Variants in ZNF638 observed in about 807,000 individuals in gnomAD.
The protein encoded by ZNF638 is zinc finger protein 638.
In ZNF638, 46 loss-of-function variants were observed where a neutral mutation model predicts 195.6. The ratio of observed to expected loss-of-function variants is 0.24; its 90% confidence interval spans 0.19 to 0.30. ZNF638 has a LOEUF of 0.30. Ranked by LOEUF, ZNF638 falls within the 10% of genes least tolerant of loss-of-function variation. The pLI is 1.00. For synonymous variants in ZNF638, 845 were observed against 772.0 expected, an observed-to-expected ratio of 1.09 and a Z score of -1.57; for missense variants, 2,440 against 2,325.3, an observed-to-expected ratio of 1.05 and a Z score of -1.01.
intron 2 of ZNF638, among the ~76,000 whole-genome samples, chr2:71,351,817 CAATT>C (rs1476868023): frequency 6.6e-6 from 1 of 152,080 alleles, no homozygotes; most frequent in African/African-American, 2.4e-5. Context: ...ACATTTAAAA[CAATT>C]AGAAGACAAC....
chr2:71,365,778 GCAACAAGCA>G, intron 6 of ZNF638, 72 bp downstream of exon 6: 1 of 1,396,002 alleles, frequency 7.2e-7, no homozygotes, highest in Non-Finnish European at 9.6e-7. Flanking sequence ...CTGCAGTGGT[GCAACAAGCA>G]TGGCTCACTG....
Position 71,399,563 on chromosome 2 carries a change from A to T in ZNF638, c.2505A>T (p.Lys835Asn). The change falls in exon 13 of 28, where the codon AAA becomes AAT. Residue 835 changes from lysine to asparagine, a missense_variant. Around this residue, in one of 5 missense-constraint regions of ZNF638, gnomAD observed 1,883 missense variants for 1,739.1 expected, o/e 1.08. Transcript: ENST00000264447. The stretch of plus-strand genomic sequence containing the variant: ...GGCTGACTGTACTTTTACAAGCAAA[A>T]TCTGGTGGAAAGAAGTCTCTAGAAG... ...KGNKASIKTA[K>N]SGGKKSLEAK... 6.2e-7 allele frequency: 1 copy of T among 1,611,308 alleles called. No individual in the cohort carries two copies. The highest frequency in any genetic ancestry group is 8.5e-7 in the Non-Finnish European group (1 of 1,178,574).
chr2:71,394,326 C>T (rs890755557), intron 10 of ZNF638, among the ~76,000 whole-genome samples: 1 of 152,184 alleles, frequency 6.6e-6, no homozygotes, highest in Non-Finnish European at 1.5e-5. Flanking sequence ...TCTGGGACAT[C>T]TTAGCACCAC....
At chr2:71,428,520 C>A (rs762245751) in intron 24 of ZNF638, 27 bp from the exon 25 acceptor site, 182 of 1,562,966 alleles carry the variant, frequency 1.2e-4, no homozygotes, top group Non-Finnish European at 1.5e-4. Context: ...GTTACTAGAG[C>A]AATAAATTAG....
chr2:71,393,096 G>A (rs1478017060), intron 10 of ZNF638, among the ~76,000 whole-genome samples: 3 of 152,102 alleles, frequency 2.0e-5, no homozygotes, highest in Non-Finnish European at 4.4e-5. Flanking sequence ...CAGGCATCCC[G>A]TATAACTGAC....
At chr2:71,425,172 A>G (rs1020365927) in intron 23 of ZNF638, among the ~76,000 whole-genome samples, 4 of 152,180 alleles carry the variant, frequency 2.6e-5, no homozygotes, top group Non-Finnish European at 4.4e-5. Flanking sequence ...TCTGTTGTCA[A>G]ACATATTTTA....
At chr2:71,372,067 A>G (rs574785555) in intron 8 of ZNF638, among the ~76,000 whole-genome samples, 2 of 152,210 alleles carry the variant, frequency 1.3e-5, no homozygotes, top group East Asian at 1.9e-4. Flanking sequence ...TCTTTAATCT[A>G]TTTTTATTTG....
At chr2:71,427,525 A>G in intron 24 of ZNF638, 111 bp downstream of exon 24, 3 of 709,308 alleles carry the variant, frequency 4.2e-6, no homozygotes, top group Non-Finnish European at 6.4e-6. Flanking sequence ...TATTGATATT[A>G]GAGGCCAACA....
At chr2:71,357,758 T>C (rs1054366961) in intron 3 of ZNF638, among the ~76,000 whole-genome samples, 17 of 152,328 alleles carry the variant, frequency 1.1e-4, no homozygotes, top group African/African-American at 3.1e-4. Context: ...TTTTTAACCA[T>C]ATCCAGTGTA....
chr2:71,421,962 T>G (rs533057842), intron 21 of ZNF638, among the ~76,000 whole-genome samples: 1 of 152,284 alleles, frequency 6.6e-6, no homozygotes, highest in East Asian at 1.9e-4. Flanking sequence ...TTCATATACT[T>G]TAGATTTGGG....
At chr2:71,428,489 A>G in intron 24 of ZNF638, 58 bp from the exon 25 acceptor site, 1 of 1,483,702 alleles carries the variant, frequency 6.7e-7, no homozygotes, top group Non-Finnish European at 9.2e-7. Context: ...AATATGTTTA[A>G]TTTAAAGCAA....
intron 6 of ZNF638, among the ~76,000 whole-genome samples, chr2:71,367,930 A>G (rs2079233792): frequency 6.6e-6 from 1 of 152,144 alleles, no homozygotes; most frequent in African/African-American, 2.4e-5. Flanking sequence ...TATGCATTAT[A>G]TATGAATTTT....
rs993604698 is a variant in ZNF638 at position 71,431,497 on chromosome 2, A to G, written c.5752+69A>G. 4 of 1,388,298 alleles carry G rather than the reference A, an allele frequency of 2.9e-6. No individual in the cohort carries two copies. In the East Asian group the frequency reaches 7.4e-5, roughly 26 times the overall value. The allele number at this position is 1,388,298 out of a possible 1,614,324, so 86.0% of individuals were successfully genotyped here. On this transcript the variant is annotated intron_variant, in intron 26 of 27. Coordinates refer to ENST00000264447, the MANE Select transcript of ZNF638 (RefSeq NM_014497.5). ...AAAGTCGGCCGGGCGCGGTGGCTCAAGCCTGTAATCCCAGCACTTCGGGAG... is the reference window on the plus strand; with the variant it reads ...AAAGTCGGCCGGGCGCGGTGGCTCAGGCCTGTAATCCCAGCACTTCGGGAG...
rs185914095 is a variant in ZNF638, at chr2:71,397,663, C to A, written c.2429-1038C>A. ...CAATTTAGATCTATTGATTTTTTAT[C>A]TTGGGCTTTTTCCTCATCCATTCTC... On this transcript the variant is annotated intron_variant, in intron 11 of 27. Coordinates refer to ENST00000264447, the MANE Select transcript of ZNF638 (RefSeq NM_014497.5). Among the ~76,000 whole-genome samples the A allele has an allele frequency of 1.3e-4, 20 of 152,246 alleles. No individual in the cohort carries two copies. In the East Asian group the frequency reaches 3.7e-3, roughly 28 times the overall value.
At position 71,423,436 on chromosome 2, in the gene ZNF638, G is replaced by T. The variant is rs376441029; in HGVS notation, c.3922G>T (p.Asp1308Tyr). 2 of 1,613,566 alleles carry T rather than the reference G, an allele frequency of 1.2e-6. No individual in the cohort carries two copies. Among genetic ancestry groups the T allele is most frequent in the Non-Finnish European group, 1.7e-6 (2 of 1,179,914 alleles). ...TATTTCTGAAAAAAAAGGTAACATG[G>T]ATGAAAAGGAGGAGAAGGAATTTAA... ...KNISEKKGNM[D>Y]EKEEKEFNTK... Residue 1308 changes from aspartate to tyrosine, a missense_variant, in exon 22 of 28, where the codon GAT becomes TAT. Transcript: ENST00000264447.
At chr2:71,428,124 C>T (rs1272524690) in intron 24 of ZNF638, among the ~76,000 whole-genome samples, 1 of 151,966 alleles carries the variant, frequency 6.6e-6, no homozygotes, top group South Asian at 2.1e-4. Context: ...CCCAGAAGGT[C>T]GAGGTTGTGG....
intron 2 of ZNF638, among the ~76,000 whole-genome samples, chr2:71,352,417 G>C (rs1418027902): frequency 6.6e-6 from 1 of 151,404 alleles, no homozygotes; most frequent in African/African-American, 2.4e-5. Flanking sequence ...GCAGAAGGTT[G>C]CAGTGAGCCG....
intron 26 of ZNF638, 130 bp downstream of exon 26, chr2:71,431,558 G>A: frequency 1.4e-6 from 1 of 691,688 alleles, no homozygotes; most frequent in African/African-American, 1.8e-5. Flanking sequence ...AGGAGATTGA[G>A]ACCATCCTGG....
chr2:71,333,603 C>T (rs563288467), intron 1 of ZNF638, among the ~76,000 whole-genome samples: 98 of 152,092 alleles, frequency 6.4e-4, no homozygotes, highest in African/African-American at 2.2e-3. Flanking sequence ...AGGTGATCTC[C>T]GGAAATTTTG....
Sources: gnomAD v4.1 joint callset for allele counts (sites outside exome capture counted in the v4.1 genomes callset) on GRCh38, gnomAD v4.1.1 for gene constraint, gnomAD v4.1.1 regional missense constraint, MANE v1.5 for transcripts, NCBI Gene and HGNC (gene_info 2026-07-23, HGNC 2026-07-21) for gene names.